Variants in FBXW8 observed in about 807,000 individuals in gnomAD.
The protein encoded by FBXW8 is F-box/WD repeat-containing protein 8.
In FBXW8, 57 loss-of-function variants were observed where a neutral mutation model predicts 65.3. That is an observed-to-expected ratio of 0.87 (90% CI 0.71 to 1.09). The LOEUF is 1.09. Among genes scored for constraint, FBXW8 ranks in the 50% least tolerant of loss-of-function variants. The probability of loss-of-function intolerance (pLI) is 0.00; values close to 1 mark genes in which losing one functional copy is unlikely to be tolerated. For missense variants in FBXW8, 777 were observed against 814.8 expected (o/e 0.95, Z 0.57); for synonymous variants, 308 against 330.2 (o/e 0.93, Z 0.73).
At chr12:116,977,269 GA>G (rs1194113706) in intron 5 of FBXW8, among the ~76,000 whole-genome samples, 6 of 152,014 alleles carry the variant, frequency 3.9e-5, no homozygotes, top group Admixed American at 2.6e-4. Context: ...ATAATTTTAA[GA>G]TTTTTTTTTC....
intron 9 of FBXW8, among the ~76,000 whole-genome samples, chr12:117,024,771 C>T (rs750374420): frequency 2.0e-5 from 3 of 152,116 alleles, no homozygotes; most frequent in Admixed American, 6.5e-5. Context: ...GTCCTCCACT[C>T]GAGTCCGTCA....
chr12:116,964,886 G>GAAA, intron 5 of FBXW8, 32 bp downstream of exon 5: 1 of 1,405,322 alleles, frequency 7.1e-7, no homozygotes, highest in Non-Finnish European at 9.5e-7. Flanking sequence ...CCCTATTAAG[G>GAAA]AAAAAAAAAA....
At chr12:116,969,384 G>A (rs940126523) in intron 5 of FBXW8, among the ~76,000 whole-genome samples, 3 of 152,096 alleles carry the variant, frequency 2.0e-5, no homozygotes, top group Non-Finnish European at 4.4e-5. Flanking sequence ...CAGACGTCAG[G>A]TGGCGTTACC....
chr12:116,995,827 A>G (rs898126592), intron 7 of FBXW8, among the ~76,000 whole-genome samples: 1 of 152,242 alleles, frequency 6.6e-6, no homozygotes, highest in African/African-American at 2.4e-5. Flanking sequence ...TGCAAAAGTC[A>G]GTGTGAACGC....
At chr12:117,010,567 A>G in intron 8 of FBXW8, 117 bp downstream of exon 8, 1 of 1,377,476 alleles carries the variant, frequency 7.3e-7, no homozygotes, top group African/African-American at 1.4e-5. Context: ...ACCTGAGTTC[A>G]GCCCCGATCC....
At chr12:116,962,337 T>C (rs927270804) in intron 4 of FBXW8, among the ~76,000 whole-genome samples, 1 of 152,204 alleles carries the variant, frequency 6.6e-6, no homozygotes, top group Non-Finnish European at 1.5e-5. Flanking sequence ...TATTGTCTGG[T>C]TCAGCAGCTA....
At chr12:116,932,023 C>T (rs575583632) in intron 2 of FBXW8, among the ~76,000 whole-genome samples, 1 of 152,082 alleles carries the variant, frequency 6.6e-6, no homozygotes, top group African/African-American at 2.4e-5. Context: ...TCTTCTATAC[C>T]TCATTTATTA....
intron 2 of FBXW8, among the ~76,000 whole-genome samples, chr12:116,932,448 G>A (rs1034077304): frequency 1.3e-5 from 2 of 152,170 alleles, no homozygotes; most frequent in Non-Finnish European, 2.9e-5. Context: ...GGTGAAAACT[G>A]TACCCAAATT....
intron 1 of FBXW8, among the ~76,000 whole-genome samples, chr12:116,921,747 A>G (rs1880917517): frequency 6.6e-6 from 1 of 152,108 alleles, no homozygotes; most frequent in Non-Finnish European, 1.5e-5. Context: ...ATTCAGAAGA[A>G]TAGAAGAAAA....
At chr12:116,992,616 T>C (rs577936283) in intron 7 of FBXW8, among the ~76,000 whole-genome samples, 1 of 152,254 alleles carries the variant, frequency 6.6e-6, no homozygotes, top group South Asian at 2.1e-4. Flanking sequence ...TGCATACCCA[T>C]AGCTTAGCTC....
At position 117,029,984 on chromosome 12, in the gene FBXW8, G is replaced by A. The variant is rs1203003365; in HGVS notation, c.*1812G>A. The A allele has an allele frequency of 6.6e-6, 1 of 152,026 alleles. No individual in the cohort carries two copies. The highest frequency in any genetic ancestry group is 1.5e-5 in the Non-Finnish European group (1 of 67,998). 9.4% of individuals were successfully genotyped at this position (152,026 alleles called of 1,614,324 possible). On this transcript the variant is annotated 3_prime_UTR_variant, in exon 11 of 11. Transcript: ENST00000652555. Reference sequence around the variant, plus strand: ...AACATAAAGGTACAGTGGTCTATGAGGAAGAGAAAAGGTACCTGAGGATGC... The same window carrying A: ...AACATAAAGGTACAGTGGTCTATGAAGAAGAGAAAAGGTACCTGAGGATGC...
chr12:116,947,764 G>GA (rs1883030777), intron 3 of FBXW8, among the ~76,000 whole-genome samples: 1 of 127,804 alleles, frequency 7.8e-6, no homozygotes, highest in Non-Finnish European at 1.8e-5. Context: ...AGAAAAGAAA[G>GA]AAAGAAATGA....
chr12:116,944,370 T>G (rs1214203506), intron 2 of FBXW8, among the ~76,000 whole-genome samples: 3 of 152,192 alleles, frequency 2.0e-5, no homozygotes, highest in African/African-American at 7.2e-5. Context: ...AGGCCCTTTG[T>G]GCAGTAAGAA....
chr12:117,002,227 G>A (rs968401224), intron 7 of FBXW8, among the ~76,000 whole-genome samples: 2 of 152,262 alleles, frequency 1.3e-5, no homozygotes, highest in South Asian at 2.1e-4. Flanking sequence ...GCATTGGCAC[G>A]TGGTGGTGGG....
chr12:116,921,347 T>A (rs1880884184), intron 1 of FBXW8, among the ~76,000 whole-genome samples: 1 of 152,226 alleles, frequency 6.6e-6, no homozygotes, highest in South Asian at 2.1e-4. Context: ...GGGGATTAGG[T>A]TAAATGTTAA....
intron 5 of FBXW8, among the ~76,000 whole-genome samples, chr12:116,975,599 A>G (rs1057208502): frequency 6.6e-6 from 1 of 152,270 alleles, no homozygotes; most frequent in Non-Finnish European, 1.5e-5. Context: ...AGAGAAAAAC[A>G]GTAACTTTAC....
intron 8 of FBXW8, among the ~76,000 whole-genome samples, chr12:117,013,152 G>A (rs1953866818): frequency 6.6e-6 from 1 of 152,136 alleles, no homozygotes; most frequent in Admixed American, 6.5e-5. Context: ...TGAGGCAGGA[G>A]AATCGCTTGA....
intron 4 of FBXW8, among the ~76,000 whole-genome samples, chr12:116,952,682 G>T (rs1220775437): frequency 6.6e-6 from 1 of 152,082 alleles, no homozygotes; most frequent in East Asian, 1.9e-4. Flanking sequence ...TAACTTTACA[G>T]CCATCTACTG....
chr12:116,950,020 A>T, intron 4 of FBXW8: 1 of 296,154 alleles, frequency 3.4e-6, no homozygotes, highest in Non-Finnish European at 6.4e-6. Context: ...TATTTTATGA[A>T]GACATAAAAA....
Sources: gnomAD v4.1 joint callset for allele counts (sites outside exome capture counted in the v4.1 genomes callset) on GRCh38, gnomAD v4.1.1 for gene constraint, MANE v1.5 for transcripts, NCBI Gene and HGNC (gene_info 2026-07-23, HGNC 2026-07-21) for gene names.